The following CEP83 variants were observed in gnomAD, a reference collection of about 807,000 sequenced individuals.
CEP83 encodes centrosomal protein of 83 kDa.
CEP83 carries 70 observed loss-of-function variants against 101.9 expected under a neutral mutation model. The ratio of observed to expected loss-of-function variants is 0.69; its 90% CI spans 0.57 to 0.84. The LOEUF (loss-of-function observed/expected upper bound fraction) is 0.84, where lower values mean the gene tolerates loss of function less well. Among genes scored for constraint, CEP83 ranks in the 40% least tolerant of loss-of-function variants. CEP83 has a pLI of 0.00. For synonymous variants in CEP83, 264 were observed against 267.9 expected, an observed-to-expected ratio of 0.99 and a Z score of 0.14; for missense variants, 715 against 787.2, an observed-to-expected ratio of 0.91 and a Z score of 1.10.
At chr12:94,394,701 G>T (rs2062772599) in intron 6 of CEP83, among the ~76,000 whole-genome samples, 1 of 151,266 alleles carries the variant, frequency 6.6e-6, no homozygotes, top group Non-Finnish European at 1.5e-5. Flanking sequence ...CTACAGAATG[G>T]AAGAAAATTT....
At chr12:94,298,035 A>G in the CEP83 span, among the ~76,000 whole-genome samples, 30 of 152,194 alleles carry the variant, frequency 2.0e-4, no homozygotes, top group Non-Finnish European at 4.0e-4. Flanking sequence ...ACTTGGCCCC[A>G]GGAACTTGAT....
At chr12:94,310,889 A>G (rs1466747180) in intron 15 of CEP83, among the ~76,000 whole-genome samples, 1 of 152,082 alleles carries the variant, frequency 6.6e-6, no homozygotes, top group African/African-American at 2.4e-5. Flanking sequence ...AGCTCCTAAA[A>G]CTCTGGGAAA....
At chr12:94,360,998 T>A (rs528242668) in intron 11 of CEP83, among the ~76,000 whole-genome samples, 2 of 152,110 alleles carry the variant, frequency 1.3e-5, no homozygotes, top group Non-Finnish European at 2.9e-5. Flanking sequence ...AGAAAATACA[T>A]TGGGGAAAGG....
chr12:94,297,463 G>T, the CEP83 span: 32 of 1,342,692 alleles, frequency 2.4e-5, no homozygotes, highest in South Asian at 3.0e-4. Flanking sequence ...GGCTACCTAG[G>T]GGGTGTATGA....
At chr12:94,361,750 G>A (rs2136937837) in intron 11 of CEP83, among the ~76,000 whole-genome samples, 1 of 151,676 alleles carries the variant, frequency 6.6e-6, no homozygotes, top group East Asian at 1.9e-4. Context: ...TGCCCAGGCT[G>A]GGGTGCAATG....
intron 14 of CEP83, 43 bp downstream of exon 14, chr12:94,331,657 C>A: frequency 6.3e-7 from 1 of 1,599,108 alleles, no homozygotes; most frequent in South Asian, 1.1e-5. Flanking sequence ...CAGGTGTGAG[C>A]CACCATGCCT....
In CEP83 at chr12:94,367,787, A is replaced by G; in HGVS notation, c.1343+7T>C. 6.3e-7 allele frequency: 1 copy of G among 1,595,560 alleles called. No individual in the cohort carries two copies. Among genetic ancestry groups the G allele is most frequent in the Non-Finnish European group, 8.5e-7 (1 of 1,173,872 alleles). On this transcript the variant is annotated splice_region_variant and intron_variant, in intron 11 of 16. Coordinates refer to ENST00000397809, the MANE Select transcript of CEP83 (RefSeq NM_016122.3). ...TGAAAAACTTTAAATATATATGTAT[A>G]TATAACCTAACACTCTGAAGCTCCT...
At chr12:94,428,215 A>C (rs918770484) in intron 2 of CEP83, among the ~76,000 whole-genome samples, 6 of 152,220 alleles carry the variant, frequency 3.9e-5, no homozygotes, top group Non-Finnish European at 5.9e-5. Flanking sequence ...AAGTCTCTGA[A>C]AGTTGTGATC....
intron 6 of CEP83, among the ~76,000 whole-genome samples, chr12:94,379,635 G>A (rs1313170404): frequency 6.6e-6 from 1 of 152,016 alleles, no homozygotes; most frequent in African/African-American, 2.4e-5. Context: ...CAGGGCAGGT[G>A]TTAAAGTCAC....
the CEP83 span, chr12:94,278,278 A>T: frequency 2.9e-6 from 1 of 350,270 alleles, no homozygotes. Flanking sequence ...ACCAAGGTGC[A>T]TTAGAATCTA....
At chr12:94,289,515 A>G in the CEP83 span, among the ~76,000 whole-genome samples, 8 of 152,100 alleles carry the variant, frequency 5.3e-5, no homozygotes, top group African/African-American at 1.9e-4. Context: ...TTTGGTTTTC[A>G]TCCCTAAAGT....
intron 16 of CEP83, 146 bp from the exon 17 acceptor site, chr12:94,309,063 G>C: frequency 1.7e-6 from 1 of 583,758 alleles, no homozygotes; most frequent in East Asian, 2.9e-5. Context: ...AGTAGCATGG[G>C]CTAAACTACC....
At chr12:94,374,325 C>T (rs964703223) in intron 8 of CEP83, among the ~76,000 whole-genome samples, 7 of 152,112 alleles carry the variant, frequency 4.6e-5, no homozygotes, top group African/African-American at 1.2e-4. Context: ...TGTCCTATTG[C>T]GACATCTGTG....
At chr12:94,288,778 A>AT in the CEP83 span, among the ~76,000 whole-genome samples, 2 of 152,240 alleles carry the variant, frequency 1.3e-5, no homozygotes, top group African/African-American at 4.8e-5. Context: ...GAGGGAGAGC[A>AT]ATATTGGCAC....
Position 94,399,017 on chromosome 12 carries a change from A to G in CEP83, c.549+1833T>C, listed in dbSNP as rs556083883. Reference sequence around the variant, plus strand: ...TCTGTTGTTTAAGATGTTTATCAAGACAATACATGCACCACTGAACATAGA... The same window carrying G: ...TCTGTTGTTTAAGATGTTTATCAAGGCAATACATGCACCACTGAACATAGA... On this transcript the variant is annotated intron_variant, in intron 6 of 16. Transcript: ENST00000397809. Among the ~76,000 whole-genome samples, 15 of 152,334 alleles carry G rather than the reference A, an allele frequency of 9.8e-5. 1 individual carries two copies. In the South Asian group the frequency reaches 2.3e-3, roughly 23 times the overall value.
chr12:94,347,064 T>TATATATATATATATATAC (rs2059968495), intron 11 of CEP83, among the ~76,000 whole-genome samples: 1 of 143,638 alleles, frequency 7.0e-6, no homozygotes, highest in Non-Finnish European at 1.5e-5. Flanking sequence ...TATATATATA[T>TATATATATATATATATAC]ATATACACAT....
chr12:94,365,640 T>C (rs1268487916), intron 11 of CEP83, among the ~76,000 whole-genome samples: 1 of 151,878 alleles, frequency 6.6e-6, no homozygotes, highest in East Asian at 1.9e-4. Context: ...TGTGGTGACA[T>C]ACACCTGTAA....
intron 6 of CEP83, among the ~76,000 whole-genome samples, chr12:94,397,980 A>G (rs1032949611): frequency 8.5e-5 from 13 of 152,210 alleles, no homozygotes; most frequent in Non-Finnish European, 7.3e-5. Flanking sequence ...GGTAAGGTCC[A>G]GGTTTTGTGT....
In CEP83 at chr12:94,308,920, TA is replaced by T; in HGVS notation, c.2002-4del. 6.3e-7 allele frequency: 1 copy of T among 1,589,868 alleles called. No homozygotes were observed. The highest frequency in any genetic ancestry group is 8.6e-7 in the Non-Finnish European group (1 of 1,158,382). ...AGTTCCCTTTGATGTTGTTCCTCCT[TA>T]AAATGATGTAGAGAAAGCATAGCAA... On this transcript the variant is annotated splice_polypyrimidine_tract_variant and splice_region_variant and intron_variant, in intron 16 of 16. Coordinates refer to ENST00000397809, the MANE Select transcript of CEP83 (RefSeq NM_016122.3).
Sources: allele counts gnomAD v4.1 joint callset (sites outside exome capture counted in the v4.1 genomes callset), GRCh38; gene constraint gnomAD v4.1.1; transcripts MANE v1.5; gene names NCBI Gene and HGNC (gene_info 2026-07-23, HGNC 2026-07-21).